Variants in ANKRD30A observed in about 807,000 individuals in gnomAD.
ANKRD30A encodes ankyrin repeat domain-containing protein 30A.
Under a neutral mutation model 166.3 loss-of-function variants are expected in ANKRD30A, and 170 were observed. The observed-to-expected ratio is 1.02, with a 90% CI of 0.90 to 1.16. ANKRD30A has a LOEUF of 1.16. Ranked by LOEUF, ANKRD30A falls within the 50% of genes most tolerant of loss-of-function variation. The pLI is 0.00. For missense variants in ANKRD30A, 1,630 were observed against 1,518.0 expected, an observed-to-expected ratio of 1.07 and a Z score of -1.23; for synonymous variants, 564 against 508.9, an observed-to-expected ratio of 1.11 and a Z score of -1.46.
At chr10:37,246,987 G>A in the ANKRD30A span, among the ~76,000 whole-genome samples, 1 of 152,156 alleles carries the variant, frequency 6.6e-6, no homozygotes, top group East Asian at 1.9e-4. Flanking sequence ...TTGGGAGACC[G>A]AGGTGGGTGG....
chr10:37,151,667 G>A (rs771755606), intron 11 of ANKRD30A, among the ~76,000 whole-genome samples: 1 of 152,044 alleles, frequency 6.6e-6, no homozygotes, highest in Non-Finnish European at 1.5e-5. Flanking sequence ...AGAGATTGCT[G>A]AGTCAATCAA....
At chr10:37,128,964 C>T (rs142768487) in intron 1 of ANKRD30A, among the ~76,000 whole-genome samples, 1,756 of 152,246 alleles carry the variant, frequency 0.012, 10 homozygotes, top group Non-Finnish European at 0.019. Context: ...TATGAATTTA[C>T]ATACATTCTG....
rs16937417 is a variant in ANKRD30A, at chr10:37,158,517, A to G, written c.1831A>G (p.Thr611Ala). 0.011 allele frequency: 17,439 copies of G among 1,613,570 alleles called. 256 individuals carry two copies. The highest frequency in any genetic ancestry group is 0.07 in the East Asian group (3,148 of 44,792). ...TTTTGTTTCCAAACCCATTTAGGCT[A>G]CCTGCGGAATGAAAGTTTCTATTCC... ...SPNKDGLLKA[T>A]CGMKVSIPTK... Residue 611 changes from threonine (T) to alanine (A), a missense_variant, in exon 15 of 36, where the codon ACC becomes GCC. This residue lies in a region of ANKRD30A where 904 missense variants were observed against 818.5 expected (regional missense o/e 1.10). Transcript: ENST00000361713.
At chr10:37,225,549 G>A (rs1382933887) in intron 34 of ANKRD30A, among the ~76,000 whole-genome samples, 1 of 151,804 alleles carries the variant, frequency 6.6e-6, no homozygotes, top group East Asian at 1.9e-4. Flanking sequence ...CTAGTTTGAG[G>A]ACCAAAAGAA....
At chr10:37,194,866 C>G (rs1282872686) in intron 27 of ANKRD30A, among the ~76,000 whole-genome samples, 1 of 152,054 alleles carries the variant, frequency 6.6e-6, no homozygotes, top group Non-Finnish European at 1.5e-5. Context: ...AGAGCTTTTA[C>G]TGAAGTGGGA....
intron 6 of ANKRD30A, among the ~76,000 whole-genome samples, chr10:37,137,722 C>T (rs1342422246): frequency 6.6e-6 from 1 of 152,152 alleles, no homozygotes; most frequent in African/African-American, 2.4e-5. Context: ...AACAAAGAGG[C>T]TGGGAAGCTC....
At chr10:37,243,832 T>A in the ANKRD30A span, among the ~76,000 whole-genome samples, 1 of 152,208 alleles carries the variant, frequency 6.6e-6, no homozygotes, top group East Asian at 1.9e-4. Context: ...AAGTAGATAT[T>A]TTTTCTCAAT....
At chr10:37,264,587 T>C in the ANKRD30A span, 1 of 426,900 alleles carries the variant, frequency 2.3e-6, no homozygotes, top group Non-Finnish European at 4.0e-6. Flanking sequence ...CTTTGGCATC[T>C]ACTCAGCCAT....
intron 1 of ANKRD30A, among the ~76,000 whole-genome samples, chr10:37,127,979 A>G (rs1306773861): frequency 6.6e-6 from 1 of 152,136 alleles, no homozygotes; most frequent in Non-Finnish European, 1.5e-5. Flanking sequence ...TCAGTGTATT[A>G]AAAAGAATCC....
At chr10:37,142,996 G>T (rs1837258256) in intron 7 of ANKRD30A, among the ~76,000 whole-genome samples, 1 of 152,178 alleles carries the variant, frequency 6.6e-6, no homozygotes, top group African/African-American at 2.4e-5. Flanking sequence ...TTTAAATAGG[G>T]AGAAAACTTG....
intron 6 of ANKRD30A, among the ~76,000 whole-genome samples, chr10:37,137,114 T>A (rs576448108): frequency 5.7e-4 from 86 of 152,100 alleles, no homozygotes; most frequent in African/African-American, 1.8e-3. Flanking sequence ...ATGATCAGGT[T>A]ATCCAATTTA....
At chr10:37,195,097 C>G (rs1840969710) in intron 27 of ANKRD30A, among the ~76,000 whole-genome samples, 1 of 152,014 alleles carries the variant, frequency 6.6e-6, no homozygotes, top group South Asian at 2.1e-4. Flanking sequence ...AACTATTAGG[C>G]CCCCGGTGTA....
At chr10:37,241,689 A>G in the ANKRD30A span, among the ~76,000 whole-genome samples, 1 of 152,166 alleles carries the variant, frequency 6.6e-6, no homozygotes, top group Non-Finnish European at 1.5e-5. Context: ...CAGTGGTTGC[A>G]TGTAATGCAA....
At chr10:37,240,472 T>A in the ANKRD30A span, among the ~76,000 whole-genome samples, 1 of 152,142 alleles carries the variant, frequency 6.6e-6, no homozygotes, top group African/African-American at 2.4e-5. Context: ...TTGTCATTGG[T>A]TGACTTTTGT....
intron 24 of ANKRD30A, among the ~76,000 whole-genome samples, chr10:37,178,151 A>G (rs181622274): frequency 5.9e-5 from 9 of 151,410 alleles, no homozygotes; most frequent in Non-Finnish European, 5.9e-5. Flanking sequence ...GTATGGTTAG[A>G]AATTTGGGAA....
Position 37,162,822 on chromosome 10 carries a change from T to C in ANKRD30A, c.1976T>C (p.Leu659Ser), listed in dbSNP as rs1242785790. 1.2e-6 allele frequency: 2 copies of C among 1,613,676 alleles called. No individual in the cohort carries two copies. Among genetic ancestry groups the C allele is most frequent in the Admixed American group, 1.7e-5 (1 of 59,990 alleles). The change falls in exon 17 of 36, where the codon TTG becomes TCG. Residue 659 changes from leucine to serine, a missense_variant. By Grantham distance (145) the Leu-to-Ser change is moderately radical. Transcript: ENST00000361713. ...QKSVPNKALE[L>S]KNEQTLRADE... is the part of the protein sequence containing the mutation. ...TCTGTCCCAAATAAAGCCTTGGAAT[T>C]GAAAAATGAACAAACATTGAGAGCA...
At chr10:37,137,298 C>T (rs569511920) in intron 6 of ANKRD30A, among the ~76,000 whole-genome samples, 39 of 152,220 alleles carry the variant, frequency 2.6e-4, no homozygotes, top group South Asian at 1.0e-3. Flanking sequence ...GCGTGAGCAA[C>T]GCAGAAAGGG....
rs1448434033 is a variant in ANKRD30A at position 37,165,247 on chromosome 10, A to G, written c.2064+92A>G. On this transcript the variant is annotated intron_variant, in intron 18 of 35. Transcript: ENST00000361713. Reference sequence around the variant, plus strand: ...TTAGTCTTTATTTTCTCACCTCTGCATGTGTCACCCTCAAATTATTTTTGA... The same window carrying G: ...TTAGTCTTTATTTTCTCACCTCTGCGTGTGTCACCCTCAAATTATTTTTGA... The G allele has an allele frequency of 1.4e-4, 172 of 1,190,522 alleles. 1 individual carries two copies. The highest frequency in any genetic ancestry group is 1.1e-5 in the Non-Finnish European group (9 of 817,108). 73.7% of individuals were successfully genotyped at this position (1,190,522 alleles called of 1,614,324 possible).
chr10:37,125,843 G>T lies in ANKRD30A; in HGVS notation c.56G>T (p.Ser19Ile). Residue 19 changes from serine to isoleucine, a missense_variant, in exon 1 of 36, where the codon AGC (serine) becomes ATC (isoleucine). Coordinates refer to ENST00000361713, the MANE Select transcript of ANKRD30A (RefSeq NM_052997.3). Reference protein sequence around the residue: ...VKVVPGPERPSPFSQLVYTSN... With the variant: ...VKVVPGPERPIPFSQLVYTSN... ...GTCGTGCCGGGCCCGGAGCGCCCGA[G>T]CCCTTTCAGCCAGCTAGTCTATACC... The T allele has an allele frequency of 8.6e-7, 1 of 1,161,336 alleles. No homozygotes were observed. The highest frequency in any genetic ancestry group is 1.3e-5 in the South Asian group (1 of 75,686). The allele number at this position is 1,161,336 out of a possible 1,614,324, so 71.9% of individuals were successfully genotyped here.
Sources: allele counts gnomAD v4.1 joint callset (sites outside exome capture counted in the v4.1 genomes callset), GRCh38; gene constraint gnomAD v4.1.1; regional missense constraint gnomAD v4.1.1; transcripts MANE v1.5; gene names NCBI Gene and HGNC (gene_info 2026-07-23, HGNC 2026-07-21).